Variants in SLC4A1AP observed in about 807,000 individuals in gnomAD.
SLC4A1AP encodes solute carrier family 4 member 1 adaptor protein.
A neutral mutation model predicts 89.7 loss-of-function variants in SLC4A1AP; 64 were observed. The observed-to-expected ratio is 0.71, with a 90% CI of 0.58 to 0.88. The LOEUF is 0.88. SLC4A1AP is among the 40% of genes least tolerant of loss of function. The probability of loss-of-function intolerance (pLI) is 0.00; values close to 1 mark genes in which losing one functional copy is unlikely to be tolerated. For missense variants in SLC4A1AP, 931 were observed against 965.0 expected, an observed-to-expected ratio of 0.96 and a Z score of 0.47; for synonymous variants, 366 against 353.3, an observed-to-expected ratio of 1.04 and a Z score of -0.40.
intron 5 of SLC4A1AP, among the ~76,000 whole-genome samples, chr2:27,673,487 C>T (rs1675465052): frequency 1.6e-5 from 2 of 125,528 alleles, no homozygotes; most frequent in South Asian, 2.9e-4. Context: ...TTCCTTCCTT[C>T]TCTTTCCTCT....
intron 1 of SLC4A1AP, 129 bp from the exon 2 acceptor site, chr2:27,664,971 C>A: frequency 1.6e-6 from 1 of 633,750 alleles, no homozygotes. Flanking sequence ...GTGGGAGGAT[C>A]ACCTGAGCCC....
At chr2:27,685,302 T>G (rs1675687742) in intron 10 of SLC4A1AP, 25 bp downstream of exon 10, 3 of 1,585,788 alleles carry the variant, frequency 1.9e-6, no homozygotes, top group Non-Finnish European at 2.6e-6. Flanking sequence ...CTCCTTCCTG[T>G]GTTGTTCAGT....
At chr2:27,689,113 T>C (rs1206834701) in intron 12 of SLC4A1AP, among the ~76,000 whole-genome samples, 2 of 152,062 alleles carry the variant, frequency 1.3e-5, no homozygotes, top group Non-Finnish European at 2.9e-5. Context: ...TTTTTTTGTT[T>C]TATTTATTTA....
intron 5 of SLC4A1AP, among the ~76,000 whole-genome samples, chr2:27,670,592 C>G (rs528393824): frequency 6.6e-6 from 1 of 151,796 alleles, no homozygotes; most frequent in African/African-American, 2.4e-5. Flanking sequence ...CGCGGTTGCT[C>G]ACGCCTGTAA....
chr2:27,690,296 C>T (rs1162077120), intron 12 of SLC4A1AP, among the ~76,000 whole-genome samples: 1 of 151,926 alleles, frequency 6.6e-6, no homozygotes, highest in Non-Finnish European at 1.5e-5. Flanking sequence ...TTTTATTCCT[C>T]ATCCCCTTCC....
At chr2:27,677,951 T>C (rs1675552363) in intron 8 of SLC4A1AP, 27 bp downstream of exon 8, 2 of 1,419,522 alleles carry the variant, frequency 1.4e-6, no homozygotes, top group Non-Finnish European at 1.9e-6. Context: ...TTTGGAATTC[T>C]AAATAAGTAT....
chr2:27,673,007 C>CA (rs1319038373), intron 5 of SLC4A1AP, among the ~76,000 whole-genome samples: 1 of 144,204 alleles, frequency 6.9e-6, no homozygotes, highest in Admixed American at 6.9e-5. Flanking sequence ...ACTCGTAATC[C>CA]AAAGGCTTTC....
chr2:27,666,352 A>ACCACCCACCACCCCCCCC (rs1558504861), intron 2 of SLC4A1AP, among the ~76,000 whole-genome samples: 1 of 3,424 alleles, frequency 2.9e-4, no homozygotes, highest in Non-Finnish European at 8.8e-4. Context: ...CTTGTGATCC[A>ACCACCCACCACCCCCCCC]CCCCCCACCC....
At position 27,675,124 on chromosome 2, in the gene SLC4A1AP, G is replaced by T. The variant is rs148271937; in HGVS notation, c.1346-408G>T. Among the ~76,000 whole-genome samples, 471 of 152,296 alleles carry T rather than the reference G, an allele frequency of 3.1e-3. 3 individuals carry two copies. Among genetic ancestry groups the T allele is most frequent in the African/African-American group, 0.011 (451 of 41,570 alleles). On this transcript the variant is annotated intron_variant, in intron 5 of 13. Transcript: ENST00000613058. ...GTGTACCATTTTAAGCATTTTAAGA[G>T]TATCACTCAGTGGCATTAAGTACAT... is the stretch of plus-strand genomic sequence containing the variant.
intron 6 of SLC4A1AP, among the ~76,000 whole-genome samples, chr2:27,676,003 G>A (rs981729678): frequency 6.6e-6 from 1 of 152,176 alleles, no homozygotes; most frequent in Admixed American, 6.5e-5. Flanking sequence ...GCGTTCTGAG[G>A]TGAAATTGAC....
At chr2:27,665,729 A>T (rs1675307601) in intron 2 of SLC4A1AP, among the ~76,000 whole-genome samples, 2 of 152,252 alleles carry the variant, frequency 1.3e-5, no homozygotes, top group South Asian at 4.1e-4. Context: ...AATGTGGAAT[A>T]TCTAATCAGA....
exon 1 of SLC4A1AP, chr2:27,664,536 G>T: frequency 6.2e-7 from 1 of 1,613,924 alleles, no homozygotes; most frequent in East Asian, 2.2e-5. Flanking sequence ...CGTTGGGCAT[G>T]TTGTTCGCTT....
intron 12 of SLC4A1AP, chr2:27,692,865 T>C (rs1247955237): frequency 6.6e-6 from 1 of 152,198 alleles, no homozygotes; most frequent in African/African-American, 2.4e-5. Flanking sequence ...CCTTTACCTT[T>C]AGTCTATAAG....
chr2:27,688,811 C>A, intron 12 of SLC4A1AP, 44 bp downstream of exon 12: 1 of 1,393,900 alleles, frequency 7.2e-7, no homozygotes, highest in South Asian at 1.3e-5. Flanking sequence ...ATCCCTTTGT[C>A]ATGGACCACA....
rs572744783 is a variant in SLC4A1AP, at chr2:27,690,731, C to T, written c.2271+1964C>T. Among the ~76,000 whole-genome samples, 92 of 152,172 alleles carry T rather than the reference C, an allele frequency of 6.0e-4. 1 individual carries two copies. In the South Asian group the frequency reaches 0.018, roughly 31 times the overall value. ...CTCAAACTCCTAGCTTCAAATGATCCTGGGATGCTGACTTTTATTGAATGC... is the reference window on the plus strand; with the variant it reads ...CTCAAACTCCTAGCTTCAAATGATCTTGGGATGCTGACTTTTATTGAATGC... On this transcript the variant is annotated intron_variant, in intron 12 of 13. Coordinates refer to ENST00000613058, the Ensembl canonical transcript of SLC4A1AP.
chr2:27,687,889 C>T (rs755117130), intron 10 of SLC4A1AP, 45 bp from the exon 11 acceptor site: 4 of 1,471,674 alleles, frequency 2.7e-6, no homozygotes, highest in Non-Finnish European at 3.8e-6. Flanking sequence ...GGCTTTCCAC[C>T]ATGAATTAAA....
intron 11 of SLC4A1AP, among the ~76,000 whole-genome samples, 184 bp from the exon 12 acceptor site, chr2:27,688,516 G>A (rs1046633352): frequency 2.0e-5 from 3 of 152,092 alleles, no homozygotes; most frequent in Non-Finnish European, 4.4e-5. Flanking sequence ...AAAAACTAGG[G>A]TTATTCATCC....
At chr2:27,677,988 T>C in intron 8 of SLC4A1AP, 64 bp downstream of exon 8, 1 of 1,053,738 alleles carries the variant, frequency 9.5e-7, no homozygotes, top group Non-Finnish European at 1.4e-6. Flanking sequence ...TTTTCAATTA[T>C]CGCTTTATCT....
chr2:27,664,771 T>A (rs1675277374), intron 1 of SLC4A1AP, among the ~76,000 whole-genome samples, 194 bp downstream of exon 1: 1 of 152,142 alleles, frequency 6.6e-6, no homozygotes, highest in Non-Finnish European at 1.5e-5. Flanking sequence ...TCCCGAACTC[T>A]AAAATAACTT....
Sources: allele counts gnomAD v4.1 joint callset (sites outside exome capture counted in the v4.1 genomes callset), GRCh38; gene constraint gnomAD v4.1.1; transcripts MANE v1.5; gene names NCBI Gene and HGNC (gene_info 2026-07-23, HGNC 2026-07-21).